The following GRM7 variants were observed in gnomAD, a reference collection of about 807,000 sequenced individuals.
The protein encoded by GRM7 is metabotropic glutamate receptor 7.
In GRM7, 35 loss-of-function variants were observed where a neutral mutation model predicts 84.5. That is an observed-to-expected ratio of 0.41 (90% CI 0.32 to 0.55). The LOEUF (loss-of-function observed/expected upper bound fraction) is 0.55, where lower values mean the gene tolerates loss of function less well. GRM7 is among the 20% of genes least tolerant of loss of function. GRM7 has a pLI of 0.19. For missense variants in GRM7, 1,003 were observed against 1,194.6 expected (o/e 0.84, Z 2.36); for synonymous variants, 487 against 455.1 (o/e 1.07, Z -0.89).
At chr3:7,035,611 C>A (rs1437300925) in intron 1 of GRM7, among the ~76,000 whole-genome samples, 1 of 152,150 alleles carries the variant, frequency 6.6e-6, no homozygotes, top group Admixed American at 6.6e-5. Context: ...TTCCGTTAAG[C>A]CTATAGACAA....
chr3:7,485,891 G>T (rs1207961366), intron 7 of GRM7, among the ~76,000 whole-genome samples: 1 of 152,164 alleles, frequency 6.6e-6, no homozygotes, highest in Non-Finnish European at 1.5e-5. Context: ...CTGAAAAGTT[G>T]AAGTACTTAA....
In GRM7 at chr3:7,575,546, C is replaced by T. The variant is rs11919249; in HGVS notation, c.1516-2876C>T. Among the ~76,000 whole-genome samples, 4 of 152,198 alleles carry T rather than the reference C, an allele frequency of 2.6e-5. No individual in the cohort carries two copies. In the East Asian group the frequency reaches 5.8e-4, roughly 22 times the overall value. On this transcript the variant is annotated intron_variant, in intron 7 of 9. Transcript: ENST00000357716. Reference sequence around the variant, plus strand: ...GATTGTTTCTTATGAAACAAGGCAGCGTATCTGTGTGGGTGGGTATAGATA... The same window carrying T: ...GATTGTTTCTTATGAAACAAGGCAGTGTATCTGTGTGGGTGGGTATAGATA...
At chr3:6,931,239 G>T (rs1442543272) in intron 1 of GRM7, among the ~76,000 whole-genome samples, 1 of 148,128 alleles carries the variant, frequency 6.8e-6, no homozygotes, top group Non-Finnish European at 1.5e-5. Flanking sequence ...ACACTCATAA[G>T]AGAAGAGTTC....
chr3:7,048,464 C>A, intron 1 of GRM7, among the ~76,000 whole-genome samples: 2 of 149,046 alleles, frequency 1.3e-5, no homozygotes, highest in Middle Eastern at 3.5e-3. Context: ...TTTTGCTGAC[C>A]AAAGAAAATG....
intron 1 of GRM7, among the ~76,000 whole-genome samples, chr3:6,878,527 T>G (rs1175334657): frequency 7.3e-6 from 1 of 136,282 alleles, no homozygotes; most frequent in Non-Finnish European, 1.5e-5. Context: ...CACTAGATAT[T>G]TAAGAGATTA....
At chr3:7,492,020 T>A (rs985685455) in intron 7 of GRM7, among the ~76,000 whole-genome samples, 13 of 152,164 alleles carry the variant, frequency 8.5e-5, no homozygotes, top group African/African-American at 3.1e-4. Flanking sequence ...ATTGATTTAT[T>A]TTTTAATGCT....
rs146162254 is a variant in GRM7 at position 7,092,106 on chromosome 3, T to C, written c.520-54346T>C. 4.6e-4 allele frequency among the ~76,000 whole-genome samples: 70 copies of C among 152,256 alleles called. No individual in the cohort carries two copies. In the East Asian group the frequency reaches 0.013, roughly 29 times the overall value. Reference sequence around the variant, plus strand: ...TTTCTGCAACCTCCACTTTCAGGGTTCAAGCCATTCTCCCTCCTCAACCTC... The same window carrying C: ...TTTCTGCAACCTCCACTTTCAGGGTCCAAGCCATTCTCCCTCCTCAACCTC... On this transcript the variant is annotated intron_variant, in intron 1 of 9. Coordinates refer to ENST00000357716, the MANE Select transcript of GRM7 (RefSeq NM_000844.4).
At chr3:7,092,841 T>C (rs1170471338) in intron 1 of GRM7, among the ~76,000 whole-genome samples, 2 of 152,146 alleles carry the variant, frequency 1.3e-5, no homozygotes, top group East Asian at 1.9e-4. Flanking sequence ...CCCAGCACTT[T>C]GGGAAGCCAA....
chr3:7,736,512 A>C lies in GRM7; in HGVS notation c.2699-3845A>C, dbSNP rs1031930246. Among the ~76,000 whole-genome samples, 4 of 152,190 alleles carry C rather than the reference A, an allele frequency of 2.6e-5. No homozygotes were observed. The South Asian group carries it at 8.3e-4, about 31-fold the overall frequency. On this transcript the variant is annotated intron_variant, in intron 9 of 9. Transcript: ENST00000357716. ...AAGTAAATCTTAAAAACACAATGTT[A>C]TATGAAACCAGATTTCAAGTGGATA...
chr3:7,037,994 T>A (rs1306647973), intron 1 of GRM7, among the ~76,000 whole-genome samples: 1 of 152,146 alleles, frequency 6.6e-6, no homozygotes, highest in South Asian at 2.1e-4. Context: ...AAAGAGGTAG[T>A]TTTTTTCTTC....
chr3:6,897,069 T>A (rs1051523172), intron 1 of GRM7, among the ~76,000 whole-genome samples: 5 of 152,250 alleles, frequency 3.3e-5, no homozygotes, highest in Non-Finnish European at 7.3e-5. Flanking sequence ...TCGGTGCTCC[T>A]AGGATACTGG....
At chr3:7,387,011 A>G (rs1367910088) in intron 4 of GRM7, among the ~76,000 whole-genome samples, 1 of 152,126 alleles carries the variant, frequency 6.6e-6, no homozygotes, top group East Asian at 1.9e-4. Flanking sequence ...GCATTTATCT[A>G]ATGATTACTG....
intron 4 of GRM7, among the ~76,000 whole-genome samples, chr3:7,339,032 C>A (rs1040572661): frequency 1.3e-5 from 2 of 151,704 alleles, no homozygotes; most frequent in Non-Finnish European, 2.9e-5. Flanking sequence ...ACTTTTAAAA[C>A]CAGAAATCAT....
chr3:6,924,875 C>T (rs1332893030), intron 1 of GRM7, among the ~76,000 whole-genome samples: 1 of 152,070 alleles, frequency 6.6e-6, no homozygotes, highest in African/African-American at 2.4e-5. Context: ...GGAAATATCT[C>T]CAAATCACTG....
chr3:7,072,722 A>G (rs1697928263), intron 1 of GRM7, among the ~76,000 whole-genome samples: 2 of 152,172 alleles, frequency 1.3e-5, no homozygotes, highest in South Asian at 4.1e-4. Flanking sequence ...TAAAGGTCTC[A>G]CTTCAAGGTA....
intron 4 of GRM7, among the ~76,000 whole-genome samples, chr3:7,397,911 T>G (rs1018330300): frequency 6.6e-6 from 1 of 152,106 alleles, no homozygotes; most frequent in African/African-American, 2.4e-5. Flanking sequence ...ACAGTGTTAA[T>G]AGTGCTGAGG....
chr3:6,913,146 A>G (rs1036843987), intron 1 of GRM7, among the ~76,000 whole-genome samples: 3 of 152,036 alleles, frequency 2.0e-5, no homozygotes, highest in Non-Finnish European at 2.9e-5. Context: ...TATTGTGTCC[A>G]TTTATCTTTT....
At chr3:7,345,650 A>G (rs1692856836) in intron 4 of GRM7, among the ~76,000 whole-genome samples, 1 of 152,092 alleles carries the variant, frequency 6.6e-6, no homozygotes, top group Non-Finnish European at 1.5e-5. Flanking sequence ...TTAGGCACAT[A>G]TAATAAATAC....
intron 7 of GRM7, among the ~76,000 whole-genome samples, chr3:7,543,118 T>C (rs1227084540): frequency 6.6e-6 from 1 of 152,248 alleles, no homozygotes; most frequent in Admixed American, 6.5e-5. Context: ...TGGTGTGTCC[T>C]ATCTGAAACA....
Sources: gnomAD v4.1 joint callset for allele counts (sites outside exome capture counted in the v4.1 genomes callset) on GRCh38, gnomAD v4.1.1 for gene constraint, MANE v1.5 for transcripts, NCBI Gene and HGNC (gene_info 2026-07-23, HGNC 2026-07-21) for gene names.